The following INO80E variants were observed in gnomAD, a reference collection of about 807,000 sequenced individuals.
INO80E encodes coiled-coil domain containing 95.
Under a neutral mutation model 27.3 loss-of-function variants are expected in INO80E, and 20 were observed. The ratio of observed to expected loss-of-function variants is 0.73; its 90% CI spans 0.51 to 1.06. INO80E has a LOEUF of 1.06. INO80E is among the 50% of genes least tolerant of loss of function. The probability of loss-of-function intolerance (pLI) is 0.00; values close to 1 mark genes in which losing one functional copy is unlikely to be tolerated. For synonymous variants in INO80E, 167 were observed against 145.9 expected, an observed-to-expected ratio of 1.14 and a Z score of -1.04; for missense variants, 357 against 322.8, an observed-to-expected ratio of 1.11 and a Z score of -0.81.
At chr16:29,997,284 A>G (rs2070164122) in intron 3 of INO80E, among the ~76,000 whole-genome samples, 1 of 152,188 alleles carries the variant, frequency 6.6e-6, no homozygotes, top group South Asian at 2.1e-4. Flanking sequence ...TGCAACATAC[A>G]ATCTTTGAAG....
intron 2 of INO80E, 57 bp downstream of exon 2, chr16:29,996,674 A>C: frequency 6.3e-7 from 1 of 1,586,320 alleles, no homozygotes; most frequent in Non-Finnish European, 8.6e-7. Flanking sequence ...CTACATTCGG[A>C]CCCCATCCCC....
intron 5 of INO80E, 46 bp downstream of exon 5, chr16:30,001,086 G>A (rs771759413): frequency 1.5e-5 from 23 of 1,502,542 alleles, no homozygotes; most frequent in South Asian, 3.9e-5. Flanking sequence ...TAAGGTGGGC[G>A]TCATTTGGGC....
At chr16:30,001,601 C>CGG in intron 6 of INO80E, 71 bp downstream of exon 6, 2 of 1,429,932 alleles carry the variant, frequency 1.4e-6, no homozygotes, top group South Asian at 2.4e-5. Context: ...AGGCTGAAGG[C>CGG]GGGGGCCTGT....
chr16:30,000,792 G>A lies in INO80E; in HGVS notation c.240G>A (p.Glu80=). The A allele has an allele frequency of 6.2e-7, 1 of 1,614,182 alleles. No individual in the cohort carries two copies. The highest frequency in any genetic ancestry group is 1.1e-5 in the South Asian group (1 of 91,086). The change falls in exon 4 of 7, where the codon GAG becomes GAA. Residue 80 remains glutamate (E), a synonymous_variant. Transcript: ENST00000563197. ...SDATASSDNS[E]TEGTPKLSDT... is the part of the protein sequence containing the mutation. Reference sequence around the variant, plus strand: ...CCACTGCATCATCAGATAACAGCGAGACGGAGGGGACACCCAAGTTGTCTG... The same window carrying A: ...CCACTGCATCATCAGATAACAGCGAAACGGAGGGGACACCCAAGTTGTCTG...
chr16:29,996,895 G>T, intron 3 of INO80E, 35 bp downstream of exon 3: 1 of 1,606,026 alleles, frequency 6.2e-7, no homozygotes, highest in South Asian at 1.1e-5. Context: ...TGGAGAGCAT[G>T]GTTCCTGGTA....
intron 3 of INO80E, among the ~76,000 whole-genome samples, chr16:30,000,127 A>ACCTCACCT (rs1232567407): frequency 6.6e-6 from 1 of 152,108 alleles, no homozygotes; most frequent in African/African-American, 2.4e-5. Context: ...ACCTCATGTG[A>ACCTCACCT]CAAGTGGAGG....
At chr16:30,004,136 A>G (rs2070452334) in intron 6 of INO80E, 1 of 152,432 alleles carries the variant, frequency 6.6e-6, no homozygotes, top group Non-Finnish European at 1.5e-5. Context: ...GCCCAGGGCC[A>G]GACTGGACAC....
In INO80E at chr16:30,005,307, G is replaced by GTCC; in HGVS notation, c.600_601insTCC (p.Leu200_Thr201insSer). 1 of 1,387,162 alleles carries GTCC rather than the reference G, an allele frequency of 7.2e-7. No individual in the cohort carries two copies. The highest frequency in any genetic ancestry group is 9.4e-7 in the Non-Finnish European group (1 of 1,068,432). The allele number at this position is 1,387,162 out of a possible 1,614,324, so 85.9% of individuals were successfully genotyped here. ...CTGGGGCTGGGGTCGGGACAACCCTGACCCCCCTCCCACCCCCTAAGATGC... is the reference window on the plus strand; with the variant it reads ...CTGGGGCTGGGGTCGGGACAACCCTGTCCACCCCCCTCCCACCCCCTAAGATGC... On this transcript the variant is annotated inframe_insertion, in exon 7 of 7. Coordinates refer to ENST00000563197, the MANE Select transcript of INO80E (RefSeq NM_173618.3).
At chr16:30,001,769 A>C in intron 6 of INO80E, 1 of 482,412 alleles carries the variant, frequency 2.1e-6, no homozygotes, top group Non-Finnish European at 3.7e-6. Flanking sequence ...CCGCCCTTTC[A>C]TGGCTGCAGT....
intron 5 of INO80E, 145 bp downstream of exon 5, chr16:30,001,185 G>A (rs1394262841): frequency 1.1e-5 from 16 of 1,473,872 alleles, no homozygotes; most frequent in South Asian, 4.2e-5. Context: ...GGTGTGAGTC[G>A]GGGCTGCCCC....
At chr16:30,001,566 C>G in intron 6 of INO80E, 36 bp downstream of exon 6, 1 of 1,586,282 alleles carries the variant, frequency 6.3e-7, no homozygotes, top group Middle Eastern at 1.7e-4. Flanking sequence ...AGGGGCAGGA[C>G]GGCAGGAGGA....
rs750486252 is a variant in INO80E at position 30,005,469 on chromosome 16, G to A, written c.*27G>A. ...CGTGACATCACGCCATGCCCACCAC[G>A]GCCCCGCCCGGCGCCCTCCCCGTGC... On this transcript the variant is annotated 3_prime_UTR_variant, in exon 7 of 7. Transcript: ENST00000563197. 13 of 1,563,950 alleles carry A rather than the reference G, an allele frequency of 8.3e-6. No homozygotes were observed. Among genetic ancestry groups the A allele is most frequent in the Middle Eastern group, 1.9e-4 (1 of 5,398 alleles).
rs1332101217 is a variant in INO80E, at chr16:30,001,466, TGCCCGA to T, written c.454_459del (p.Glu152_Pro153del). On this transcript the variant is annotated inframe_deletion, in exon 6 of 7. Transcript: ENST00000563197. The stretch of plus-strand genomic sequence containing the variant: ...CCTTCTGACTACCTGGCCCTGCAGC[TGCCCGA>T]GCCCAGTCCCCTGAGGCCCAAGCGG... The T allele has an allele frequency of 1.2e-6, 2 of 1,612,968 alleles. No individual in the cohort carries two copies. Among genetic ancestry groups the T allele is most frequent in the Non-Finnish European group, 1.7e-6 (2 of 1,179,628 alleles).
At chr16:29,996,433 C>A in intron 1 of INO80E, 42 bp downstream of exon 1, 2 of 1,558,554 alleles carry the variant, frequency 1.3e-6, no homozygotes, top group South Asian at 1.2e-5. Context: ...TGAGGCCTGG[C>A]GCGGACAAGA....
rs189243133 is a variant in INO80E at position 29,996,959 on chromosome 16, C to G, written c.205+99C>G. The G allele has an allele frequency of 5.5e-4, 619 of 1,122,724 alleles. 1 individual carries two copies. In the African/African-American group the frequency reaches 8.6e-3, roughly 16 times the overall value. 69.5% of individuals were successfully genotyped at this position (1,122,724 alleles called of 1,614,324 possible). A position where few individuals can be genotyped will look rare whatever the true frequency, so the allele number is the denominator to read the frequency against. Reference sequence around the variant, plus strand: ...TTAGGCAGTGGTGGCTGATGCAGCCCCCAGTGGTCCTTAAGCCTAGTTGCT... The same window carrying G: ...TTAGGCAGTGGTGGCTGATGCAGCCGCCAGTGGTCCTTAAGCCTAGTTGCT... On this transcript the variant is annotated intron_variant, in intron 3 of 6. Transcript: ENST00000563197.
rs769293840 is a variant in INO80E at position 30,001,524 on chromosome 16, A to G, written c.507A>G (p.Lys169=). Residue 169 remains lysine, a synonymous_variant, in exon 6 of 7, where the codon AAA becomes AAG. Coordinates refer to ENST00000563197, the MANE Select transcript of INO80E (RefSeq NM_173618.3). ...KREKRPRLPR[K]LKMAVGPPDC... ...AGAAACGGCCCCGCCTGCCCCGGAAACTCAAGGTACCCTGACGTGGGGGTG... is the reference window on the plus strand; with the variant it reads ...AGAAACGGCCCCGCCTGCCCCGGAAGCTCAAGGTACCCTGACGTGGGGGTG... 1 of 1,612,344 alleles carries G rather than the reference A, an allele frequency of 6.2e-7. No homozygotes were observed. The highest frequency in any genetic ancestry group is 8.5e-7 in the Non-Finnish European group (1 of 1,179,332).
chr16:30,005,487 C>T lies in INO80E; in HGVS notation c.*45C>T, dbSNP rs769608225. The T allele has an allele frequency of 5.2e-6, 8 of 1,536,574 alleles. No homozygotes were observed. Among genetic ancestry groups the T allele is most frequent in the Non-Finnish European group, 7.1e-6 (8 of 1,132,578 alleles). On this transcript the variant is annotated 3_prime_UTR_variant, in exon 7 of 7. Transcript: ENST00000563197. The stretch of plus-strand genomic sequence containing the variant: ...CCACCACGGCCCCGCCCGGCGCCCT[C>T]CCCGTGCCAGCACACACGAGTCCAG...
Position 30,000,811 on chromosome 16 carries a change from T to TCCG in INO80E, c.259_260insCCG (p.Leu87delinsSerVal). ...CAGCGAGACGGAGGGGACACCCAAG[T>TCCG]TGTCTGACACACCGGCCCCTAAGAG... On this transcript the variant is annotated protein_altering_variant, in exon 4 of 7. Transcript: ENST00000563197. 6.2e-7 allele frequency: 1 copy of TCCG among 1,614,168 alleles called. No individual in the cohort carries two copies. The highest frequency in any genetic ancestry group is 8.5e-7 in the Non-Finnish European group (1 of 1,179,998).
intron 3 of INO80E, chr16:29,999,574 T>C (rs1392199382): frequency 2.0e-5 from 3 of 152,258 alleles, no homozygotes; most frequent in East Asian, 3.8e-4. Flanking sequence ...AAAGGGTCTG[T>C]CTGAGCAGAG....
Sources: gnomAD v4.1 joint callset for allele counts (sites outside exome capture counted in the v4.1 genomes callset) on GRCh38, gnomAD v4.1.1 for gene constraint, MANE v1.5 for transcripts, NCBI Gene and HGNC (gene_info 2026-07-23, HGNC 2026-07-21) for gene names.